DCLK1: variants seen among roughly 807,000 people sequenced by gnomAD.
DCLK1 encodes the protein doublecortin like kinase 1, also known as serine/threonine-protein kinase DCLK1.
A neutral mutation model predicts 86.2 loss-of-function variants in DCLK1; 16 were observed. The observed-to-expected ratio is 0.19, with a 90% CI of 0.13 to 0.28. The LOEUF is 0.28. DCLK1 is among the 10% of genes least tolerant of loss of function. The pLI, the probability that DCLK1 is intolerant of heterozygous loss-of-function variation, is 1.00. For synonymous variants in DCLK1, 369 were observed against 370.5 expected, an observed-to-expected ratio of 1.00 and a Z score of 0.05; for missense variants, 590 against 940.2, an observed-to-expected ratio of 0.63 and a Z score of 4.87.
At chr13:36,020,501 T>C (rs1881729640) in intron 3 of DCLK1, among the ~76,000 whole-genome samples, 1 of 152,172 alleles carries the variant, frequency 6.6e-6, no homozygotes, top group African/African-American at 2.4e-5. Context: ...GTCAGCTTTG[T>C]GGCATTTTTC....
At chr13:36,024,789 G>A (rs578044206) in intron 3 of DCLK1, among the ~76,000 whole-genome samples, 13 of 151,728 alleles carry the variant, frequency 8.6e-5, no homozygotes, top group Middle Eastern at 3.4e-3. Context: ...AAACAATCCC[G>A]AGAAAGAAGA....
chr13:35,984,789 G>C (rs537080747), intron 3 of DCLK1, among the ~76,000 whole-genome samples: 23 of 151,910 alleles, frequency 1.5e-4, no homozygotes, highest in African/African-American at 5.1e-4. Context: ...TACCCCCCAG[G>C]CTTCTGTACC....
In DCLK1 at chr13:36,047,139, C is replaced by A. The variant is rs1218223922; in HGVS notation, c.723+64730G>T. ...ATTAAAACTACAATGAGATATCTCACACCTGATAGAATGGCTACTATCAAA... is the reference window on the plus strand; with the variant it reads ...ATTAAAACTACAATGAGATATCTCAAACCTGATAGAATGGCTACTATCAAA... On this transcript the variant is annotated intron_variant, in intron 3 of 16. Transcript: ENST00000360631. 3.9e-5 allele frequency among the ~76,000 whole-genome samples: 6 copies of A among 152,176 alleles called. No individual in the cohort carries two copies. In the East Asian group the frequency reaches 5.8e-4, roughly 15 times the overall value.
intron 2 of DCLK1, among the ~76,000 whole-genome samples, chr13:36,122,412 G>C (rs933743237): frequency 6.6e-6 from 1 of 152,182 alleles, no homozygotes; most frequent in African/African-American, 2.4e-5. Flanking sequence ...CATATCTACA[G>C]AGTTTTTATC....
intron 4 of DCLK1, among the ~76,000 whole-genome samples, chr13:35,917,034 A>T (rs548864293): frequency 6.6e-6 from 1 of 152,216 alleles, no homozygotes; most frequent in Admixed American, 6.5e-5. Flanking sequence ...GCCACAGAGA[A>T]GAATCTGAAC....
At chr13:35,939,908 C>T (rs549396432) in intron 4 of DCLK1, among the ~76,000 whole-genome samples, 13 of 152,210 alleles carry the variant, frequency 8.5e-5, no homozygotes, top group East Asian at 5.8e-4. Flanking sequence ...CAGTATGTTT[C>T]GTAAGAGATA....
At chr13:35,904,484 GC>G (rs1237737788) in intron 4 of DCLK1, among the ~76,000 whole-genome samples, 15 of 152,322 alleles carry the variant, frequency 9.8e-5, no homozygotes, top group African/African-American at 2.9e-4. Context: ...AAGCCACTGT[GC>G]CTGGCCTAAT....
intron 3 of DCLK1, among the ~76,000 whole-genome samples, chr13:35,955,049 T>G (rs2153135197): frequency 6.6e-6 from 1 of 152,290 alleles, no homozygotes; most frequent in South Asian, 2.1e-4. Context: ...GTAGTTGACA[T>G]GGACATCAGC....
chr13:36,045,336 A>ATCTATC (rs1566658657), intron 3 of DCLK1, among the ~76,000 whole-genome samples: 10 of 52,050 alleles, frequency 1.9e-4, no homozygotes, highest in African/African-American at 9.5e-4. Context: ...GTGTGTGTAT[A>ATCTATC]TATATATATA....
At chr13:35,827,582 T>C in intron 10 of DCLK1, 53 bp downstream of exon 10, 3 of 1,604,092 alleles carry the variant, frequency 1.9e-6, no homozygotes, top group Non-Finnish European at 2.6e-6. Flanking sequence ...CTCTAGAATA[T>C]AGGCAAGTGC....
At chr13:35,891,235 G>T (rs1457423417) in intron 4 of DCLK1, among the ~76,000 whole-genome samples, 2 of 151,878 alleles carry the variant, frequency 1.3e-5, no homozygotes, top group Admixed American at 1.3e-4. Flanking sequence ...CTCAAGGAAT[G>T]GCATAAATGT....
intron 3 of DCLK1, among the ~76,000 whole-genome samples, chr13:36,045,193 A>G (rs1882835795): frequency 6.7e-6 from 1 of 148,698 alleles, no homozygotes; most frequent in African/African-American, 2.5e-5. Flanking sequence ...TTAACATTTT[A>G]CCATAGTCAC....
intron 3 of DCLK1, among the ~76,000 whole-genome samples, chr13:35,967,695 C>A (rs892177001): frequency 7.2e-5 from 11 of 152,098 alleles, no homozygotes; most frequent in Non-Finnish European, 4.4e-5. Flanking sequence ...CTGCGGAAGG[C>A]GGCAGGGCCC....
chr13:35,942,611 T>C (rs1877148410), intron 4 of DCLK1, among the ~76,000 whole-genome samples: 1 of 152,212 alleles, frequency 6.6e-6, no homozygotes, highest in South Asian at 2.1e-4. Context: ...ACAATCCTAA[T>C]AGAGATCTCC....
intron 3 of DCLK1, among the ~76,000 whole-genome samples, chr13:35,965,259 G>C (rs1285609846): frequency 6.6e-6 from 1 of 152,184 alleles, no homozygotes; most frequent in Non-Finnish European, 1.5e-5. Flanking sequence ...GAATATTCCT[G>C]TATATGTCAA....
At chr13:35,892,583 G>T (rs74498612) in intron 4 of DCLK1, among the ~76,000 whole-genome samples, 1,702 of 152,294 alleles carry the variant, frequency 0.011, 30 homozygotes, top group African/African-American at 0.038. Flanking sequence ...AGTAGAAAGT[G>T]ATCAGATAAT....
Position 35,772,049 on chromosome 13 carries a change from T to A in DCLK1, c.*2486A>T, listed in dbSNP as rs2086341992. On this transcript the variant is annotated 3_prime_UTR_variant, in exon 17 of 17. Coordinates refer to ENST00000360631, the MANE Select transcript of DCLK1 (RefSeq NM_001330071.2). ...CTCTGACATTCAGGATCTTGGTAGC[T>A]TAATGTTAGAAAGATTGCATTCCAT... 6.6e-6 allele frequency: 1 copy of A among 152,248 alleles called. No homozygotes were observed. Among genetic ancestry groups the A allele is most frequent in the Non-Finnish European group, 1.5e-5 (1 of 68,052 alleles). The allele number at this position is 152,248 out of a possible 1,614,324, so 9.4% of individuals were successfully genotyped here. A position where few individuals can be genotyped will look rare whatever the true frequency, so the allele number is the denominator to read the frequency against.
chr13:35,887,097 G>C (rs904318551), intron 4 of DCLK1, among the ~76,000 whole-genome samples: 2 of 152,220 alleles, frequency 1.3e-5, no homozygotes, highest in African/African-American at 4.8e-5. Context: ...GGCAAAATGA[G>C]ACTCTGTCTT....
chr13:35,797,202 T>C (rs1593599014), intron 15 of DCLK1, among the ~76,000 whole-genome samples: 1 of 152,176 alleles, frequency 6.6e-6, no homozygotes, highest in East Asian at 1.9e-4. Context: ...TGGGGAAAGA[T>C]AGCTGGGTTT....
Sources: allele counts gnomAD v4.1 joint callset (sites outside exome capture counted in the v4.1 genomes callset), GRCh38; gene constraint gnomAD v4.1.1; transcripts MANE v1.5; gene names NCBI Gene and HGNC (gene_info 2026-07-23, HGNC 2026-07-21).